Variants in PPFIBP1 observed in about 807,000 individuals in gnomAD.
The protein encoded by PPFIBP1 is liprin-beta-1.
In PPFIBP1, 112 loss-of-function variants were observed where a neutral mutation model predicts 137.8. That is an observed-to-expected ratio of 0.81 (90% confidence interval 0.70 to 0.95). The LOEUF is 0.95. Ranked by LOEUF, PPFIBP1 falls within the 40% of genes least tolerant of loss-of-function variation. The pLI, the probability that PPFIBP1 is intolerant of heterozygous loss-of-function variation, is 0.00. For missense variants in PPFIBP1, 1,083 were observed against 1,196.6 expected (o/e 0.91, Z 1.40); for synonymous variants, 378 against 417.3 (o/e 0.91, Z 1.15).
intron 1 of PPFIBP1, among the ~76,000 whole-genome samples, chr12:27,566,085 T>A (rs1040442156): frequency 1.3e-5 from 2 of 152,232 alleles, no homozygotes; most frequent in Non-Finnish European, 2.9e-5. Context: ...AAAGAGACTT[T>A]ACCTTATTAT....
chr12:27,528,420 A>G (rs1944021506), intron 1 of PPFIBP1, among the ~76,000 whole-genome samples: 2 of 152,146 alleles, frequency 1.3e-5, no homozygotes, highest in South Asian at 2.1e-4. Flanking sequence ...TTATTTTTCA[A>G]ATTTATTGCA....
chr12:27,557,195 T>C (rs1327318932), intron 1 of PPFIBP1, among the ~76,000 whole-genome samples: 1 of 152,070 alleles, frequency 6.6e-6, no homozygotes, highest in Non-Finnish European at 1.5e-5. Context: ...GCTGGCCTTT[T>C]TTGTATCAAG....
intron 1 of PPFIBP1, among the ~76,000 whole-genome samples, chr12:27,529,675 C>T (rs974759799): frequency 2.2e-4 from 33 of 152,202 alleles, no homozygotes; most frequent in Admixed American, 2.2e-3. Flanking sequence ...GCCTGGGCAA[C>T]AGAGCAAGAC....
At chr12:27,665,416 C>T (rs1179617408) in intron 12 of PPFIBP1, among the ~76,000 whole-genome samples, 1 of 152,052 alleles carries the variant, frequency 6.6e-6, no homozygotes, top group Non-Finnish European at 1.5e-5. Context: ...CCAACTAAAG[C>T]AACTGGGTAG....
Position 27,679,964 on chromosome 12 carries a change from C to T in PPFIBP1, c.1798C>T (p.Pro600Ser). 1 of 1,614,062 alleles carries T rather than the reference C, an allele frequency of 6.2e-7. No individual in the cohort carries two copies. The highest frequency in any genetic ancestry group is 8.5e-7 in the Non-Finnish European group (1 of 1,179,974). The stretch of plus-strand genomic sequence containing the variant: ...GAGAAGTCAATCAACTACATTCAAC[C>T]CAGATGACATGTCTGAGCCTGAATT... ...LRRSQSTTFN[P>S]DDMSEPEFKR... The change falls in exon 21 of 30, where the codon CCA becomes TCA. Residue 600 changes from proline to serine, a missense_variant. Pro to Ser is a moderately conservative substitution (Grantham distance 74). Transcript: ENST00000228425.
At chr12:27,616,310 ATTT>A (rs11370764) in intron 2 of PPFIBP1, among the ~76,000 whole-genome samples, 27 of 143,562 alleles carry the variant, frequency 1.9e-4, no homozygotes, top group African/African-American at 6.7e-4. Flanking sequence ...TTGTTTGCAG[ATTT>A]TTTTTTTTTT....
intron 2 of PPFIBP1, among the ~76,000 whole-genome samples, chr12:27,617,616 G>A (rs1441581544): frequency 6.6e-6 from 1 of 152,124 alleles, no homozygotes; most frequent in Non-Finnish European, 1.5e-5. Context: ...ACATCCTCCC[G>A]TATATGTTAA....
chr12:27,587,725 A>G (rs2051956466), intron 2 of PPFIBP1, among the ~76,000 whole-genome samples: 1 of 150,290 alleles, frequency 6.7e-6, no homozygotes, highest in African/African-American at 2.4e-5. Flanking sequence ...TTTTCTTTAT[A>G]TTTTCCCCAT....
Position 27,599,480 on chromosome 12 carries a change from G to A in PPFIBP1, c.-36+21241G>A, listed in dbSNP as rs769257949. ...GGGACTTCTCAGCCTACATAAATGC[G>A]TGAGCCAATTCCTTAAAATCTCTCT... On this transcript the variant is annotated intron_variant, in intron 2 of 29. Transcript: ENST00000228425. 5.9e-5 allele frequency: 27 copies of A among 455,810 alleles called. 1 individual carries two copies. The highest frequency in any genetic ancestry group is 2.0e-4 in the South Asian group (13 of 64,546). The allele number at this position is 455,810 out of a possible 1,614,324, so 28.2% of individuals were successfully genotyped here.
chr12:27,667,420 A>C, intron 13 of PPFIBP1, 100 bp downstream of exon 13: 1 of 1,094,104 alleles, frequency 9.1e-7, no homozygotes, highest in Non-Finnish European at 1.2e-6. Flanking sequence ...TTCCTTTCTC[A>C]GTTCCATCAC....
chr12:27,607,703 G>C (rs868273182), intron 2 of PPFIBP1, among the ~76,000 whole-genome samples: 1 of 152,298 alleles, frequency 6.6e-6, no homozygotes, highest in Middle Eastern at 3.4e-3. Flanking sequence ...AAAATCCATA[G>C]ATGATGATGA....
intron 2 of PPFIBP1, among the ~76,000 whole-genome samples, chr12:27,630,030 A>G (rs1400821228): frequency 6.6e-6 from 1 of 152,148 alleles, no homozygotes; most frequent in Non-Finnish European, 1.5e-5. Context: ...GTTTTGTTCT[A>G]TAAATTGAAT....
At chr12:27,678,677 G>A (rs984692385) in intron 19 of PPFIBP1, among the ~76,000 whole-genome samples, 4 of 151,958 alleles carry the variant, frequency 2.6e-5, no homozygotes, top group Non-Finnish European at 4.4e-5. Context: ...GGCCAAGATG[G>A]TGAAACCCTG....
intron 2 of PPFIBP1, among the ~76,000 whole-genome samples, chr12:27,599,024 C>G (rs1187656922): frequency 6.6e-6 from 1 of 152,188 alleles, no homozygotes; most frequent in Admixed American, 6.5e-5. Context: ...AATTGGAACA[C>G]TTCCTAAGAT....
At chr12:27,599,513 CTT>C (rs1049459666) in intron 2 of PPFIBP1, 37 of 455,968 alleles carry the variant, frequency 8.1e-5, no homozygotes, top group African/African-American at 7.2e-4. Context: ...TCTCCTTTCT[CTT>C]TCTCTCCTTC....
At chr12:27,584,010 T>G (rs529876480) in intron 2 of PPFIBP1, 2 of 152,252 alleles carry the variant, frequency 1.3e-5, no homozygotes, top group East Asian at 3.8e-4. Flanking sequence ...GAACACTGAA[T>G]GACCAAATAC....
At chr12:27,629,343 A>G (rs1205069533) in intron 2 of PPFIBP1, among the ~76,000 whole-genome samples, 1 of 152,216 alleles carries the variant, frequency 6.6e-6, no homozygotes, top group Non-Finnish European at 1.5e-5. Flanking sequence ...TGGCAAATGT[A>G]TAAACTTGTG....
At chr12:27,576,597 C>A (rs2050582723) in intron 1 of PPFIBP1, among the ~76,000 whole-genome samples, 2 of 152,164 alleles carry the variant, frequency 1.3e-5, no homozygotes, top group Admixed American at 1.3e-4. Context: ...CCCGGACTGA[C>A]CTCTGCCCTG....
rs2061270180 is a variant in PPFIBP1, at chr12:27,687,451, G to A, written c.2314G>A (p.Val772Ile). The A allele has an allele frequency of 1.9e-6, 3 of 1,613,948 alleles. No individual in the cohort carries two copies. The highest frequency in any genetic ancestry group is 1.7e-5 in the Admixed American group (1 of 60,004). The part of the protein sequence containing the change: ...HHLSIKRAIQ[V>I]LRINNFEPNC... Reference sequence around the variant, plus strand: ...TCTCAGTATCAAAAGGGCCATCCAGGTCCTGAGGATCAATAACTTTGAACC... The same window carrying A: ...TCTCAGTATCAAAAGGGCCATCCAGATCCTGAGGATCAATAACTTTGAACC... Residue 772 changes from valine (V) to isoleucine (I), a missense_variant, in exon 25 of 30, where the codon GTC becomes ATC. Val to Ile is a conservative substitution (Grantham distance 29, BLOSUM62 3). Transcript: ENST00000228425.
Sources: gnomAD v4.1 joint callset for allele counts (sites outside exome capture counted in the v4.1 genomes callset) on GRCh38, gnomAD v4.1.1 for gene constraint, MANE v1.5 for transcripts, NCBI Gene and HGNC (gene_info 2026-07-23, HGNC 2026-07-21) for gene names.